The following BTD variants were observed in gnomAD, a reference collection of about 807,000 sequenced individuals.
The protein encoded by BTD is biocytinase.
BTD carries 13 observed loss-of-function variants against 17.7 expected under a neutral mutation model. The ratio of observed to expected loss-of-function variants is 0.74; its 90% confidence interval spans 0.48 to 1.17. The LOEUF (loss-of-function observed/expected upper bound fraction) is 1.17, where lower values mean the gene tolerates loss of function less well. Among genes scored for constraint, BTD ranks in the 50% most tolerant of loss-of-function variants. BTD has a pLI of 0.00. For missense variants in BTD, 674 were observed against 650.4 expected, an observed-to-expected ratio of 1.04 and a Z score of -0.39; for synonymous variants, 240 against 245.2, an observed-to-expected ratio of 0.98 and a Z score of 0.20.
intron 3 of BTD, chr3:15,709,783 ATAATGAAATTGG>A: frequency 7.7e-7 from 1 of 1,297,834 alleles, no homozygotes; most frequent in Non-Finnish European, 1.1e-6. Context: ...CAGTGATTTT[ATAATGAAATTGG>A]TAGGTTTAAA....
At chr3:15,696,876 T>A (rs907488055) in intron 3 of BTD, among the ~76,000 whole-genome samples, 1 of 152,200 alleles carries the variant, frequency 6.6e-6, no homozygotes, top group South Asian at 2.1e-4. Context: ...GAAAACTGTA[T>A]GGAGATTCCT....
chr3:15,621,856 T>C (rs578026851), intron 1 of BTD, among the ~76,000 whole-genome samples: 3 of 152,342 alleles, frequency 2.0e-5, no homozygotes, highest in South Asian at 4.1e-4. Flanking sequence ...TGTCTCAGCC[T>C]CCCAAAGTGC....
intron 3 of BTD, chr3:15,697,340 T>C (rs1381708155): frequency 1.3e-5 from 2 of 152,350 alleles, no homozygotes; most frequent in Non-Finnish European, 2.9e-5. Flanking sequence ...TTTTACTCCA[T>C]GTGAGGGATA....
intron 3 of BTD, chr3:15,689,871 T>C: frequency 1.5e-6 from 1 of 671,950 alleles, no homozygotes; most frequent in Non-Finnish European, 2.4e-6. Flanking sequence ...AATAAAGTTA[T>C]TTGGTGAGGT....
downstream of BTD, among the ~76,000 whole-genome samples, chr3:15,656,416 A>G (rs2065872049): frequency 1.3e-5 from 2 of 152,102 alleles, no homozygotes; most frequent in East Asian, 1.9e-4. Context: ...GTCAGCTCAG[A>G]TTGCGCAGTC....
At chr3:15,711,238 G>A (rs1354683697) in exon 4 of BTD, 1 of 1,612,504 alleles carries the variant, frequency 6.2e-7, no homozygotes, top group Non-Finnish European at 8.5e-7. Flanking sequence ...ATGTAGACAA[G>A]TCCTGCCAAA....
At chr3:15,686,405 A>G (rs558042084) in intron 3 of BTD, 2 of 978,328 alleles carry the variant, frequency 2.0e-6, no homozygotes, top group South Asian at 3.0e-5. Flanking sequence ...TACTTTTGGG[A>G]TAGTTGCACT....
intron 3 of BTD, among the ~76,000 whole-genome samples, chr3:15,681,769 G>A (rs970210663): frequency 6.6e-6 from 1 of 152,108 alleles, no homozygotes; most frequent in Non-Finnish European, 1.5e-5. Context: ...AGCAGATATT[G>A]TATGTGGCAA....
intron 3 of BTD, among the ~76,000 whole-genome samples, chr3:15,706,325 G>A (rs1186085639): frequency 6.6e-6 from 1 of 151,874 alleles, no homozygotes; most frequent in Admixed American, 6.6e-5. Context: ...TCACCTATGA[G>A]TGAGAACATG....
At position 15,636,246 on chromosome 3, in the gene BTD, C is replaced by T. The variant is rs371922688; in HGVS notation, c.249+558C>T. 5.8e-4 allele frequency among the ~76,000 whole-genome samples: 88 copies of T among 152,282 alleles called. No individual in the cohort carries two copies. In the South Asian group the frequency reaches 0.018, roughly 31 times the overall value. On this transcript the variant is annotated intron_variant, in intron 2 of 3. Transcript: ENST00000643237. ...AAGTAGTAAGCATCTGCAAGAATGC[C>T]GTTTGCTCCCTTCAGACTGTTTGAG...
Position 15,631,846 on chromosome 3 carries a change from A to G in BTD, c.-16-3578A>G, listed in dbSNP as rs572417064. 2.0e-5 allele frequency among the ~76,000 whole-genome samples: 3 copies of G among 152,334 alleles called. No homozygotes were observed. The East Asian group carries it at 5.8e-4, about 29-fold the overall frequency. On this transcript the variant is annotated intron_variant, in intron 1 of 3. Coordinates refer to ENST00000643237, the MANE Select transcript of BTD (RefSeq NM_001370658.1). ...AAGAGTTTCAGAGGTGCACCTTGGT[A>G]GACTCAGGCTTTCTCTGGATCTCAC...
intron 3 of BTD, chr3:15,690,011 T>C: frequency 4.4e-6 from 7 of 1,596,388 alleles, no homozygotes; most frequent in Non-Finnish European, 6.0e-6. Context: ...GCATAATATC[T>C]GGCATACCTG....
chr3:15,681,752 G>A (rs530213900), intron 3 of BTD, among the ~76,000 whole-genome samples: 5 of 152,088 alleles, frequency 3.3e-5, no homozygotes, highest in Admixed American at 3.3e-4. Context: ...AGTGGATTTT[G>A]CCCATCAGCA....
intron 1 of BTD, among the ~76,000 whole-genome samples, chr3:15,609,555 G>C (rs2064555090): frequency 6.6e-6 from 1 of 152,150 alleles, no homozygotes; most frequent in Admixed American, 6.5e-5. Flanking sequence ...CAACATTTGT[G>C]TATGAGAGCT....
chr3:15,665,942 C>CA (rs1166878021), intron 3 of BTD, among the ~76,000 whole-genome samples: 2 of 152,210 alleles, frequency 1.3e-5, no homozygotes, highest in Admixed American at 1.3e-4. Context: ...AGCAGTTACC[C>CA]ACACAAGCTG....
Position 15,601,884 on chromosome 3 carries a change from G to A in BTD, c.-27G>A. On this transcript the variant is annotated 5_prime_UTR_variant, in exon 1 of 4. Transcript: ENST00000643237. ...TGCGCATATTCAGGGCGGAAGGCGC[G>A]CTAAGAGCAGGTACGGAGGGGGCGT... is the stretch of plus-strand genomic sequence containing the variant. 2 of 1,614,082 alleles carry A rather than the reference G, an allele frequency of 1.2e-6. No individual in the cohort carries two copies. Among genetic ancestry groups the A allele is most frequent in the South Asian group, 1.1e-5 (1 of 91,068 alleles).
Position 15,635,054 on chromosome 3 carries a change from C to T in BTD, c.-16-370C>T, listed in dbSNP as rs988927892. Among the ~76,000 whole-genome samples, 4 of 152,112 alleles carry T rather than the reference C, an allele frequency of 2.6e-5. No homozygotes were observed. Among genetic ancestry groups the T allele is most frequent in the Non-Finnish European group, 5.9e-5 (4 of 68,042 alleles). On this transcript the variant is annotated intron_variant, in intron 1 of 3. Coordinates refer to ENST00000643237, the MANE Select transcript of BTD (RefSeq NM_001370658.1). The surrounding 1 kb of genome is among the most constrained non-coding windows in gnomAD (Gnocchi z 4.1). ...GCAGAGGGTAGAGTGTGAAATATATCACAGAATTATGTCAAATAATCTGGA... is the reference window on the plus strand; with the variant it reads ...GCAGAGGGTAGAGTGTGAAATATATTACAGAATTATGTCAAATAATCTGGA...
At chr3:15,676,889 C>T in intron 3 of BTD, 3 of 1,114,820 alleles carry the variant, frequency 2.7e-6, no homozygotes, top group South Asian at 1.4e-5. Flanking sequence ...AAACCTATTC[C>T]AATAGTCACA....
rs2065747674 is a variant in BTD, at chr3:15,648,680, A to G, written c.*3192A>G. ...TTAAATTGCGTCTTCCCCAAAAAAG[A>G]TACGTTGTAGTCCTAACCCCCAATA... On this transcript the variant is annotated 3_prime_UTR_variant, in exon 4 of 4. Transcript: ENST00000643237. Among the ~76,000 whole-genome samples the G allele has an allele frequency of 1.3e-5, 2 of 152,202 alleles. No individual in the cohort carries two copies. The highest frequency in any genetic ancestry group is 1.3e-4 in the Admixed American group (2 of 15,288).
Sources: gnomAD v4.1 joint callset for allele counts (sites outside exome capture counted in the v4.1 genomes callset) on GRCh38, gnomAD v4.1.1 for gene constraint, Gnocchi (gnomAD v3.1) non-coding constraint, MANE v1.5 for transcripts, NCBI Gene and HGNC (gene_info 2026-07-23, HGNC 2026-07-21) for gene names.